The following LOC128125817 variants were observed in gnomAD, a reference collection of about 807,000 sequenced individuals.
At chr1:41,592,589 G>C in the LOC128125817 span, among the ~76,000 whole-genome samples, 8,910 of 152,230 alleles carry the variant, frequency 0.059, 329 homozygotes, top group Non-Finnish European at 0.084. Flanking sequence ...CTCCCCGTGG[G>C]ACTGACTGAG....
the LOC128125817 span, among the ~76,000 whole-genome samples, chr1:41,612,704 G>A: frequency 7.9e-5 from 12 of 152,180 alleles, no homozygotes; most frequent in African/African-American, 1.7e-4. Flanking sequence ...GGACAAATAC[G>A]GTATCCTGAA....
At chr1:41,587,782 T>A in the LOC128125817 span, among the ~76,000 whole-genome samples, 2 of 152,148 alleles carry the variant, frequency 1.3e-5, no homozygotes, top group Non-Finnish European at 2.9e-5. Flanking sequence ...GACCATCCTG[T>A]GCCTCTTGAC....
chr1:41,606,258 G>A, the LOC128125817 span, among the ~76,000 whole-genome samples: 2 of 151,808 alleles, frequency 1.3e-5, no homozygotes, highest in Non-Finnish European at 2.9e-5. Flanking sequence ...CTTAAATTGC[G>A]ATTTTCTGAT....
At chr1:41,614,799 C>T in the LOC128125817 span, among the ~76,000 whole-genome samples, 9 of 152,208 alleles carry the variant, frequency 5.9e-5, no homozygotes, top group African/African-American at 2.2e-4. Flanking sequence ...AAGGGCAACA[C>T]AGTTAGCTGC....
the LOC128125817 span, among the ~76,000 whole-genome samples, chr1:41,616,327 G>T: frequency 1.3e-5 from 2 of 152,150 alleles, no homozygotes; most frequent in Non-Finnish European, 2.9e-5. Flanking sequence ...CAACATCTTT[G>T]TTCCCCACCT....
At chr1:41,605,367 GCACACGCGCA>G in the LOC128125817 span, among the ~76,000 whole-genome samples, 13 of 111,780 alleles carry the variant, frequency 1.2e-4, no homozygotes, top group South Asian at 6.1e-4. Flanking sequence ...ATACACACAC[GCACACGCGCA>G]CACACACACA....
the LOC128125817 span, among the ~76,000 whole-genome samples, chr1:41,592,847 A>G: frequency 9.2e-5 from 14 of 152,232 alleles, no homozygotes; most frequent in East Asian, 2.1e-3. Flanking sequence ...GTGCAGAGAA[A>G]ACTACCCCTG....
At chr1:41,605,220 A>C in the LOC128125817 span, among the ~76,000 whole-genome samples, 1 of 150,524 alleles carries the variant, frequency 6.6e-6, no homozygotes, top group African/African-American at 2.4e-5. Flanking sequence ...GAAGGAAAGG[A>C]AGGAAGAAAG....
At chr1:41,617,794 C>A in the LOC128125817 span, among the ~76,000 whole-genome samples, 5 of 152,352 alleles carry the variant, frequency 3.3e-5, no homozygotes, top group East Asian at 9.6e-4. Context: ...CAGCCAAATT[C>A]TACTCCCACA....
the LOC128125817 span, among the ~76,000 whole-genome samples, chr1:41,590,225 A>G: frequency 2.6e-5 from 4 of 152,258 alleles, no homozygotes; most frequent in Non-Finnish European, 5.9e-5. Context: ...TGTCTGGGCA[A>G]AGAGAGAGGC....
At chr1:41,628,806 C>T in the LOC128125817 span, 1 of 1,232,104 alleles carries the variant, frequency 8.1e-7, no homozygotes, top group East Asian at 3.2e-5. Context: ...TCTCTGAAAG[C>T]CAGCATTCAT....
the LOC128125817 span, among the ~76,000 whole-genome samples, chr1:41,621,607 T>C: frequency 6.6e-6 from 1 of 152,278 alleles, no homozygotes; most frequent in Non-Finnish European, 1.5e-5. Flanking sequence ...CTCCGTCTCC[T>C]GGGCTCAAGC....
At chr1:41,611,508 G>C in the LOC128125817 span, among the ~76,000 whole-genome samples, 1 of 152,234 alleles carries the variant, frequency 6.6e-6, no homozygotes, top group African/African-American at 2.4e-5. Context: ...CCATCTCACA[G>C]ATGAGGACAC....
the LOC128125817 span, among the ~76,000 whole-genome samples, chr1:41,589,345 T>G: frequency 6.6e-6 from 1 of 152,218 alleles, no homozygotes; most frequent in African/African-American, 2.4e-5. Flanking sequence ...GCCAACTGGT[T>G]AGCTCCCACT....
the LOC128125817 span, among the ~76,000 whole-genome samples, chr1:41,605,061 C>T: frequency 1.4e-5 from 2 of 146,692 alleles, no homozygotes; most frequent in Non-Finnish European, 3.0e-5. Flanking sequence ...GCTGAGATCA[C>T]GCCACAGCAC....
the LOC128125817 span, among the ~76,000 whole-genome samples, chr1:41,586,735 T>G: frequency 2.0e-5 from 3 of 152,346 alleles, no homozygotes; most frequent in Non-Finnish European, 4.4e-5. Context: ...CACTGTGATA[T>G]GCTTTGGAGG....
At chr1:41,600,590 C>T in the LOC128125817 span, among the ~76,000 whole-genome samples, 1 of 152,302 alleles carries the variant, frequency 6.6e-6, no homozygotes, top group East Asian at 1.9e-4. Context: ...TATACAGTTT[C>T]AGCTTTTCAG....
chr1:41,628,712 C>T, the LOC128125817 span: 1 of 1,223,034 alleles, frequency 8.2e-7, no homozygotes, highest in African/African-American at 1.6e-5. Context: ...AACATGGCGC[C>T]TGGCAAGCAT....
At chr1:41,586,098 C>A in the LOC128125817 span, among the ~76,000 whole-genome samples, 1 of 152,216 alleles carries the variant, frequency 6.6e-6, no homozygotes, top group African/African-American at 2.4e-5. Flanking sequence ...CTGGAAGGTT[C>A]CTCTGGCTTT....
Sources: gnomAD v4.1 joint callset for allele counts (sites outside exome capture counted in the v4.1 genomes callset) on GRCh38, gnomAD v4.1.1 for gene constraint, MANE v1.5 for transcripts.